Variants in FIGNL2 observed in about 807,000 individuals in gnomAD.
FIGNL2 encodes the protein fidgetin like 2.
For synonymous variants in FIGNL2, 565 were observed against 484.0 expected (o/e 1.17, Z -2.20); for missense variants, 1,060 against 950.2 (o/e 1.12, Z -1.52).
chr12:51,842,044 G>GCTCTCCCCTC (rs562031246), intron 1 of FIGNL2: 3 of 152,180 alleles, frequency 2.0e-5, no homozygotes, highest in African/African-American at 4.8e-5. Context: ...AGGTGGAAGG[G>GCTCTCCCCTC]CTCTCCCCTC....
intron 1 of FIGNL2, among the ~76,000 whole-genome samples, chr12:51,822,777 A>G (rs923183995): frequency 9.9e-5 from 15 of 152,222 alleles, no homozygotes; most frequent in Admixed American, 8.5e-4. Context: ...GGATCGGACA[A>G]TGGGCGGGAC....
In FIGNL2 at chr12:51,822,291, G is replaced by A; in HGVS notation, c.123C>T (p.Arg41=). ...CGTCGTGTGCCCAAGCGTAGTGGCAGCGTTGGCGACCCCCAGGGGGCAACT... is the reference window on the plus strand; with the variant it reads ...CGTCGTGTGCCCAAGCGTAGTGGCAACGTTGGCGACCCCCAGGGGGCAACT... The part of the protein sequence containing the change: ...KLELPPGGRQ[R]CHYAWAHDDI... The change falls in exon 2 of 2, where the codon CGC becomes CGT. Residue 41 remains arginine, a synonymous_variant. Coordinates refer to ENST00000618634, the MANE Select transcript of FIGNL2 (RefSeq NM_001384995.1). 1 of 1,611,790 alleles carries A rather than the reference G, an allele frequency of 6.2e-7. No homozygotes were observed. The highest frequency in any genetic ancestry group is 8.5e-7 in the Non-Finnish European group (1 of 1,179,128).
chr12:51,832,191 A>C (rs561703217), intron 1 of FIGNL2, among the ~76,000 whole-genome samples: 1 of 151,910 alleles, frequency 6.6e-6, no homozygotes, highest in Non-Finnish European at 1.5e-5. Context: ...TAATTTTGGC[A>C]TTTTTAGTAG....
intron 1 of FIGNL2, among the ~76,000 whole-genome samples, chr12:51,827,208 G>C (rs560076787): frequency 2.2e-4 from 33 of 152,328 alleles, no homozygotes; most frequent in African/African-American, 7.9e-4. Context: ...CTCCTGTCCA[G>C]GTTCACAAGT....
In FIGNL2 at chr12:51,820,191, C is replaced by A. The variant is rs1939137286; in HGVS notation, c.*261G>T. 1 of 491,062 alleles carries A rather than the reference C, an allele frequency of 2.0e-6. No individual in the cohort carries two copies. The highest frequency in any genetic ancestry group is 3.6e-6 in the Non-Finnish European group (1 of 278,532). 30.4% of individuals were successfully genotyped at this position (491,062 alleles called of 1,614,324 possible). Reference sequence around the variant, plus strand: ...GGTGCCAGCCCATGCCGGATCTGCCCGGTCTGCCGGGCGGAGATGGCGAGC... The same window carrying A: ...GGTGCCAGCCCATGCCGGATCTGCCAGGTCTGCCGGGCGGAGATGGCGAGC... On this transcript the variant is annotated 3_prime_UTR_variant, in exon 2 of 2. Transcript: ENST00000618634.
intron 1 of FIGNL2, among the ~76,000 whole-genome samples, chr12:51,837,270 G>A (rs1939593979): frequency 6.6e-6 from 1 of 152,162 alleles, no homozygotes; most frequent in Non-Finnish European, 1.5e-5. Context: ...ACCCCAGGAG[G>A]TTGGGGGTGG....
chr12:51,829,660 C>T (rs1939413489), intron 1 of FIGNL2, among the ~76,000 whole-genome samples: 1 of 152,140 alleles, frequency 6.6e-6, no homozygotes, highest in African/African-American at 2.4e-5. Context: ...CCAGCTATGA[C>T]TCCCGGCTTG....
chr12:51,848,691 T>A lies in FIGNL2; in HGVS notation c.-163A>T. 2 of 303,776 alleles carry A rather than the reference T, an allele frequency of 6.6e-6. No homozygotes were observed. The highest frequency in any genetic ancestry group is 9.7e-6 in the Non-Finnish European group (2 of 207,016). 18.8% of individuals were successfully genotyped at this position (303,776 alleles called of 1,614,324 possible). The stretch of plus-strand genomic sequence containing the variant: ...CTGGAGCCGCTGCTGCTGCGGCTGC[T>A]GCGGCCGCCGCGGGCGGGAGCGGGA... On this transcript the variant is annotated 5_prime_UTR_variant, in exon 1 of 2. Transcript: ENST00000618634.
intron 1 of FIGNL2, chr12:51,835,281 G>A (rs1158078059): frequency 6.6e-6 from 1 of 151,870 alleles, no homozygotes; most frequent in African/African-American, 2.4e-5. Context: ...TGACTGCCAT[G>A]CTCTCCTTGC....
At chr12:51,837,300 C>T (rs116838319) in intron 1 of FIGNL2, among the ~76,000 whole-genome samples, 2 of 152,146 alleles carry the variant, frequency 1.3e-5, no homozygotes, top group African/African-American at 4.8e-5. Context: ...CTCTCCTGCT[C>T]TCAAAGAAGG....
chr12:51,826,595 C>T (rs1168427779), intron 1 of FIGNL2, among the ~76,000 whole-genome samples: 7 of 145,880 alleles, frequency 4.8e-5, no homozygotes, highest in African/African-American at 1.8e-4. Context: ...GCCAAGATCG[C>T]GCCATTGCAC....
At chr12:51,844,173 A>C (rs1305543492) in intron 1 of FIGNL2, among the ~76,000 whole-genome samples, 4 of 152,160 alleles carry the variant, frequency 2.6e-5, no homozygotes, top group African/African-American at 7.2e-5. Context: ...AGATGAAGTC[A>C]CTTGTCCGGA....
At chr12:51,834,106 TGGTTGGA>T (rs2138991930) in intron 1 of FIGNL2, among the ~76,000 whole-genome samples, 1 of 132,810 alleles carries the variant, frequency 7.5e-6, no homozygotes. Flanking sequence ...GGTGGATGGA[TGGTTGGA>T]TGGATGGATG....
At chr12:51,848,285 G>A (rs373149306) in intron 1 of FIGNL2, 6 of 985,058 alleles carry the variant, frequency 6.1e-6, no homozygotes, top group Middle Eastern at 5.2e-4. Flanking sequence ...TGCGAGACGG[G>A]TGCCCGTCGG....
Position 51,820,901 on chromosome 12 carries a change from C to T in FIGNL2, c.1513G>A (p.Ala505Thr). Residue 505 changes from alanine to threonine, a missense_variant, in exon 2 of 2, where the codon GCG (alanine) becomes ACG (threonine). Coordinates refer to ENST00000618634, the MANE Select transcript of FIGNL2 (RefSeq NM_001384995.1). ...GGCACCTGCAGCGCGCCCCCTGCCG[C>T]CGCGCCGTCGTCCCGGGCGGGGAGC... ...ALLPARDDGA[A>T]AGGALQVPLL... The T allele has an allele frequency of 1.5e-6, 2 of 1,338,196 alleles. No homozygotes were observed. Among genetic ancestry groups the T allele is most frequent in the Non-Finnish European group, 1.9e-6 (2 of 1,052,770 alleles). 82.9% of individuals were successfully genotyped at this position (1,338,196 alleles called of 1,614,324 possible).
chr12:51,834,487 G>A (rs1029849220), intron 1 of FIGNL2, among the ~76,000 whole-genome samples: 1 of 152,334 alleles, frequency 6.6e-6, no homozygotes, highest in Middle Eastern at 3.4e-3. Context: ...ACATGGTAAA[G>A]AGATCAGGGC....
At chr12:51,847,435 C>T (rs550030815) in intron 1 of FIGNL2, 2 of 985,472 alleles carry the variant, frequency 2.0e-6, no homozygotes, top group Admixed American at 6.1e-5. Context: ...CGCCACAGCC[C>T]GTGCGGACAA....
At chr12:51,831,222 AAAAG>A (rs1423723586) in intron 1 of FIGNL2, among the ~76,000 whole-genome samples, 36 of 152,334 alleles carry the variant, frequency 2.4e-4, no homozygotes, top group African/African-American at 8.7e-4. Context: ...AAAAAAGAGG[AAAAG>A]AAAGAATGCT....
At chr12:51,840,950 C>T (rs943084322) in intron 1 of FIGNL2, among the ~76,000 whole-genome samples, 9 of 152,216 alleles carry the variant, frequency 5.9e-5, no homozygotes, top group Non-Finnish European at 1.3e-4. Context: ...CCTGTGTGCC[C>T]TAGCCCCAAA....
Sources: gnomAD v4.1 joint callset for allele counts (sites outside exome capture counted in the v4.1 genomes callset) on GRCh38, gnomAD v4.1.1 for gene constraint, MANE v1.5 for transcripts, NCBI Gene and HGNC (gene_info 2026-07-23, HGNC 2026-07-21) for gene names.